CEP135: variants seen among roughly 807,000 people sequenced by gnomAD.
CEP135 encodes the protein centrosomal protein 135.
In CEP135, 142 loss-of-function variants were observed where a neutral mutation model predicts 157.3. The observed-to-expected ratio is 0.90, with a 90% CI of 0.79 to 1.04. The LOEUF is 1.04. Ranked by LOEUF, CEP135 falls within the 50% of genes least tolerant of loss-of-function variation. The pLI, the probability that CEP135 is intolerant of heterozygous loss-of-function variation, is 0.00. For synonymous variants in CEP135, 396 were observed against 439.8 expected (o/e 0.90, Z 1.25); for missense variants, 1,317 against 1,309.2 (o/e 1.01, Z -0.09).
At position 55,971,318 on chromosome 4, in the gene CEP135, C is replaced by T. The variant is rs1729019551; in HGVS notation, c.1159C>T (p.Leu387Phe). The T allele has an allele frequency of 1.9e-6, 3 of 1,605,362 alleles. No homozygotes were observed. Among genetic ancestry groups the T allele is most frequent in the Non-Finnish European group, 1.7e-6 (2 of 1,176,328 alleles). ...KEKERLSDEL[L>F]VKSDLETVVH... The stretch of plus-strand genomic sequence containing the variant: ...AAAGGAGAGACTGAGTGATGAACTC[C>T]TTGTAAAATCAGACCTAGAAACTGT... The change falls in exon 10 of 26, where the codon CTT (leucine) becomes TTT (phenylalanine). Residue 387 changes from leucine to phenylalanine, a missense_variant. Transcript: ENST00000257287.
chr4:55,962,566 C>T (rs2109652418), intron 6 of CEP135, among the ~76,000 whole-genome samples: 1 of 152,288 alleles, frequency 6.6e-6, no homozygotes, highest in Middle Eastern at 3.4e-3. Flanking sequence ...ACTATGTGAA[C>T]TGGTCTAGTT....
intron 21 of CEP135, among the ~76,000 whole-genome samples, chr4:56,015,392 G>C (rs1420625626): frequency 6.6e-6 from 1 of 152,190 alleles, no homozygotes; most frequent in African/African-American, 2.4e-5. Flanking sequence ...GGCTGGTGGG[G>C]CTGTGGCTAC....
chr4:55,994,777 C>A (rs1729913109), intron 15 of CEP135, among the ~76,000 whole-genome samples: 1 of 151,690 alleles, frequency 6.6e-6, no homozygotes, highest in African/African-American at 2.4e-5. Flanking sequence ...CCTCTACCTC[C>A]CAGCTTCAAG....
At chr4:56,011,318 T>C in intron 19 of CEP135, 94 bp from the exon 20 acceptor site, 1 of 853,436 alleles carries the variant, frequency 1.2e-6, no homozygotes, top group Non-Finnish European at 1.8e-6. Context: ...CTACTCTATC[T>C]TATTCTCCAA....
Position 55,997,128 on chromosome 4 carries a change from C to T in CEP135, c.2010-2174C>T, listed in dbSNP as rs73240505. Among the ~76,000 whole-genome samples the T allele has an allele frequency of 5.1e-3, 782 of 152,270 alleles. 4 individuals are homozygous for T. The highest frequency in any genetic ancestry group is 8.3e-3 in the Non-Finnish European group (567 of 68,020). On this transcript the variant is annotated intron_variant, in intron 15 of 25. Transcript: ENST00000257287. ...ATTCTCAAAATTTCCTTTCCAAACA[C>T]GATTATGAACAACTAATAATGGCAG...
chr4:56,008,937 G>T (rs574942613), intron 18 of CEP135, among the ~76,000 whole-genome samples: 1 of 152,044 alleles, frequency 6.6e-6, no homozygotes, highest in Non-Finnish European at 1.5e-5. Context: ...TCACTCTGTC[G>T]CACAGGCTGG....
In CEP135 at chr4:55,983,628, A is replaced by G. The variant is rs187293790; in HGVS notation, c.1780-1653A>G. 6.2e-5 allele frequency among the ~76,000 whole-genome samples: 9 copies of G among 145,260 alleles called. No homozygotes were observed. In the East Asian group the frequency reaches 1.6e-3, roughly 26 times the overall value. ...TGTCTCAGTGAATCTTCAAATCTTC[A>G]CAATAGCCTCTTTTTTTTTTTTTGA... On this transcript the variant is annotated intron_variant, in intron 13 of 25. Transcript: ENST00000257287.
At chr4:55,960,937 A>AT in intron 6 of CEP135, 1 of 149,650 alleles carries the variant, frequency 6.7e-6, no homozygotes, top group African/African-American at 2.5e-5. Context: ...AAAAAAAAAA[A>AT]AAAAAAAAAA....
At position 56,008,335 on chromosome 4, in the gene CEP135, T is replaced by G; in HGVS notation, c.2289T>G (p.Ala763=). 6.2e-7 allele frequency: 1 copy of G among 1,608,852 alleles called. No homozygotes were observed. The change falls in exon 18 of 26, where the codon GCT becomes GCG. Residue 763 remains alanine, a synonymous_variant. Transcript: ENST00000257287. ...TTTTGTAATTTCTATAGGAAAAAGC[T>G]GTTGCTCAAATGAAGATAATGATCT... ...LQENLANKEK[A]VAQMKIMISE...
intron 6 of CEP135, among the ~76,000 whole-genome samples, chr4:55,961,802 T>G (rs1340666649): frequency 6.9e-6 from 1 of 144,300 alleles, no homozygotes; most frequent in African/African-American, 2.5e-5. Flanking sequence ...AAAATCCATC[T>G]TCTGAGAATG....
intron 4 of CEP135, among the ~76,000 whole-genome samples, chr4:55,956,176 T>C (rs1273137233): frequency 6.7e-6 from 1 of 150,018 alleles, no homozygotes; most frequent in Non-Finnish European, 1.5e-5. Context: ...AGTTTTCTTA[T>C]CCTTAAAACT....
intron 9 of CEP135, among the ~76,000 whole-genome samples, chr4:55,970,578 A>G (rs942646763): frequency 1.3e-5 from 2 of 152,194 alleles, no homozygotes; most frequent in African/African-American, 4.8e-5. Flanking sequence ...TGCTAGTTGT[A>G]TGTGCACTAA....
chr4:55,953,015 A>C (rs1728405681), intron 2 of CEP135, 70 bp from the exon 3 acceptor site: 2 of 1,307,440 alleles, frequency 1.5e-6, no homozygotes, highest in Non-Finnish European at 1.0e-6. Context: ...AAGCCTCTTT[A>C]GAAATATGTT....
intron 4 of CEP135, 137 bp downstream of exon 4, chr4:55,954,520 G>T: frequency 3.4e-6 from 2 of 592,246 alleles, no homozygotes; most frequent in South Asian, 4.1e-5. Flanking sequence ...TGAATAGACC[G>T]TAAACTTCTT....
chr4:56,033,065 A>G lies in CEP135; in HGVS notation c.*1717A>G, dbSNP rs1031474898. ...CAAGAGACATGGGACTGTTTGCAAT[A>G]CCATATGGAAATCTTTTAATAAATA... On this transcript the variant is annotated 3_prime_UTR_variant, in exon 26 of 26. Coordinates refer to ENST00000257287, the MANE Select transcript of CEP135 (RefSeq NM_025009.5). 5 of 152,148 alleles carry G rather than the reference A, an allele frequency of 3.3e-5. No homozygotes were observed. Among genetic ancestry groups the G allele is most frequent in the Non-Finnish European group, 5.9e-5 (4 of 68,028 alleles). 9.4% of individuals were successfully genotyped at this position (152,148 alleles called of 1,614,324 possible).
chr4:56,028,402 C>T (rs1206828143), intron 25 of CEP135, among the ~76,000 whole-genome samples: 1 of 152,132 alleles, frequency 6.6e-6, no homozygotes, highest in Admixed American at 6.6e-5. Flanking sequence ...TTTTTAATTA[C>T]AATAATTCTA....
chr4:55,987,797 A>G (rs936758177), intron 14 of CEP135, among the ~76,000 whole-genome samples: 4 of 152,228 alleles, frequency 2.6e-5, no homozygotes, highest in African/African-American at 9.6e-5. Flanking sequence ...AAAAGTTAAA[A>G]TGTTGGAGAA....
intron 7 of CEP135, 175 bp from the exon 8 acceptor site, chr4:55,965,469 T>C: frequency 1.9e-6 from 1 of 523,732 alleles, no homozygotes; most frequent in East Asian, 3.3e-5. Context: ...GTACTTTCAT[T>C]ACACTGCACA....
At chr4:55,968,721 G>C (rs1036939116) in intron 8 of CEP135, among the ~76,000 whole-genome samples, 9 of 152,080 alleles carry the variant, frequency 5.9e-5, no homozygotes, top group Non-Finnish European at 1.3e-4. Context: ...AGAGGATCCA[G>C]GTTGGTAAAA....
Sources: allele counts gnomAD v4.1 joint callset (sites outside exome capture counted in the v4.1 genomes callset), GRCh38; gene constraint gnomAD v4.1.1; transcripts MANE v1.5; gene names NCBI Gene and HGNC (gene_info 2026-07-23, HGNC 2026-07-21).